VPS35L: variants seen among roughly 807,000 people sequenced by gnomAD.
The protein encoded by VPS35L is VPS35 endosomal protein sorting factor like, also known as VPS35 endosomal protein-sorting factor-like.
VPS35L carries 83 observed loss-of-function variants against 133.0 expected under a neutral mutation model. The observed-to-expected ratio is 0.62, with a 90% confidence interval of 0.52 to 0.75. VPS35L has a LOEUF of 0.75. Ranked by LOEUF, VPS35L falls within the 30% of genes least tolerant of loss-of-function variation. The pLI, the probability that VPS35L is intolerant of heterozygous loss-of-function variation, is 0.00. For synonymous variants in VPS35L, 423 were observed against 449.9 expected (o/e 0.94, Z 0.76); for missense variants, 1,083 against 1,206.8 (o/e 0.90, Z 1.52).
intron 8 of VPS35L, among the ~76,000 whole-genome samples, chr16:19,597,886 AAG>A (rs1972267024): frequency 6.6e-6 from 1 of 152,196 alleles, no homozygotes; most frequent in African/African-American, 2.4e-5. Flanking sequence ...TCTGCTCTAA[AAG>A]AAGATGCATG....
chr16:19,560,476 A>G (rs1421209785), intron 1 of VPS35L, among the ~76,000 whole-genome samples: 2 of 152,228 alleles, frequency 1.3e-5, no homozygotes, highest in East Asian at 3.9e-4. Flanking sequence ...TCAACATTCT[A>G]CTTTTCTTGA....
Position 19,608,224 on chromosome 16 carries a change from C to G in VPS35L, c.831C>G (p.Cys277Trp). ...ENANDTAKET[C>W]LNWFFKIASI... ...CAAATGACACGGCCAAGGAAACATG[C>G]CTAAATTGGTTTTTCAAGATTGCCT... is the stretch of plus-strand genomic sequence containing the variant. Residue 277 changes from cysteine (C) to tryptophan (W), a missense_variant, in exon 10 of 31, where the codon TGC (cysteine) becomes TGG (tryptophan). Cys to Trp is a radical substitution (Grantham distance 215). Transcript: ENST00000417362. 6.2e-7 allele frequency: 1 copy of G among 1,613,010 alleles called. No individual in the cohort carries two copies. Among genetic ancestry groups the G allele is most frequent in the South Asian group, 1.1e-5 (1 of 91,040 alleles).
chr16:19,649,278 T>G (rs1974052372), intron 24 of VPS35L, among the ~76,000 whole-genome samples: 1 of 152,140 alleles, frequency 6.6e-6, no homozygotes, highest in South Asian at 2.1e-4. Context: ...GGCATAAACA[T>G]CAAGCCCTGC....
intron 12 of VPS35L, among the ~76,000 whole-genome samples, chr16:19,611,265 G>T (rs1972710331): frequency 6.6e-6 from 1 of 152,210 alleles, no homozygotes; most frequent in Non-Finnish European, 1.5e-5. Flanking sequence ...CTCCCAAAGT[G>T]CTGGGATTAC....
At chr16:19,574,435 A>C (rs1315314307) in intron 4 of VPS35L, among the ~76,000 whole-genome samples, 4 of 152,192 alleles carry the variant, frequency 2.6e-5, no homozygotes, top group Non-Finnish European at 5.9e-5. Context: ...GAAATGTAGC[A>C]GCGTGTCCAT....
In VPS35L at chr16:19,637,671, T is replaced by A. The variant is rs369751465; in HGVS notation, c.1698+15T>A. On this transcript the variant is annotated intron_variant, in intron 20 of 30. Transcript: ENST00000417362. ...TTTTCTCAGTGGTAAGTAGGATTTC[T>A]TAATTATCTTTGGAAATTTGTACCT... The A allele has an allele frequency of 5.8e-5, 90 of 1,545,776 alleles. No homozygotes were observed. Among genetic ancestry groups the A allele is most frequent in the Non-Finnish European group, 7.3e-5 (83 of 1,134,288 alleles).
At chr16:19,650,283 C>T in intron 24 of VPS35L, 99 bp from the exon 25 acceptor site, 1 of 996,824 alleles carries the variant, frequency 1.0e-6, no homozygotes, top group South Asian at 1.4e-5. Context: ...AGCTTGTTCT[C>T]ATTGACCTGT....
At chr16:19,631,737 C>G (rs1344093137) in intron 18 of VPS35L, among the ~76,000 whole-genome samples, 1 of 152,182 alleles carries the variant, frequency 6.6e-6, no homozygotes, top group African/African-American at 2.4e-5. Flanking sequence ...CAGACAGGAT[C>G]TCACTCTGTT....
chr16:19,674,893 C>CT (rs1442078828), intron 27 of VPS35L, among the ~76,000 whole-genome samples: 1 of 151,378 alleles, frequency 6.6e-6, no homozygotes, highest in East Asian at 1.9e-4. Context: ...GAATTTCCTT[C>CT]TTTTTTAAGG....
chr16:19,695,075 C>CGGATTCT (rs1165574683), intron 29 of VPS35L, among the ~76,000 whole-genome samples: 3 of 151,946 alleles, frequency 2.0e-5, no homozygotes, highest in Non-Finnish European at 4.4e-5. Context: ...CAAAGTGCTG[C>CGGATTCT]GGATTCTGGG....
chr16:19,573,953 G>A (rs190613441), intron 4 of VPS35L, among the ~76,000 whole-genome samples: 316 of 152,250 alleles, frequency 2.1e-3, no homozygotes, highest in African/African-American at 7.3e-3. Flanking sequence ...TCTCTGGATG[G>A]CCATTAGGTG....
At chr16:19,631,833 C>T (rs1184500434) in intron 18 of VPS35L, among the ~76,000 whole-genome samples, 5 of 151,922 alleles carry the variant, frequency 3.3e-5, no homozygotes, top group Non-Finnish European at 4.4e-5. Flanking sequence ...CTCAGCCTCC[C>T]GAGTGGCTGG....
chr16:19,610,456 A>G (rs2151547148), intron 12 of VPS35L, 41 bp downstream of exon 12: 1 of 1,521,802 alleles, frequency 6.6e-7, no homozygotes, highest in African/African-American at 1.4e-5. Context: ...CACGGCTGCC[A>G]CCCGTCTCCT....
At chr16:19,664,726 C>G (rs1974605209) in intron 26 of VPS35L, among the ~76,000 whole-genome samples, 1 of 151,856 alleles carries the variant, frequency 6.6e-6, no homozygotes, top group African/African-American at 2.4e-5. Context: ...ATGGTGAAAC[C>G]CCATCTCTAC....
intron 9 of VPS35L, among the ~76,000 whole-genome samples, chr16:19,604,392 A>C (rs759012954): frequency 6.6e-6 from 1 of 152,216 alleles, no homozygotes; most frequent in Non-Finnish European, 1.5e-5. Context: ...AAAACAACAG[A>C]TCAGTCCTCG....
chr16:19,685,128 A>G (rs1308243398), intron 28 of VPS35L, among the ~76,000 whole-genome samples: 1 of 152,184 alleles, frequency 6.6e-6, no homozygotes, highest in African/African-American at 2.4e-5. Context: ...AGCTCAGTGA[A>G]TTGTCACAAA....
Position 19,693,173 on chromosome 16 carries a change from C to T in VPS35L, c.2646+1702C>T, listed in dbSNP as rs148724959. Reference sequence around the variant, plus strand: ...TTTGTGGAAAGAGTGGCATTGGAACCCCAGTTTCTTCTTCAGGAAAACTGG... The same window carrying T: ...TTTGTGGAAAGAGTGGCATTGGAACTCCAGTTTCTTCTTCAGGAAAACTGG... On this transcript the variant is annotated intron_variant, in intron 29 of 30. Coordinates refer to ENST00000417362, the MANE Select transcript of VPS35L (RefSeq NM_020314.7). Among the ~76,000 whole-genome samples, 1,073 of 152,050 alleles carry T rather than the reference C, an allele frequency of 7.1e-3. 6 individuals carry two copies. Among genetic ancestry groups the T allele is most frequent in the African/African-American group, 0.023 (969 of 41,466 alleles).
At chr16:19,671,517 C>T (rs531072978) in intron 27 of VPS35L, among the ~76,000 whole-genome samples, 1 of 147,386 alleles carries the variant, frequency 6.8e-6, no homozygotes, top group Non-Finnish European at 1.5e-5. Flanking sequence ...TGGCTCACTC[C>T]AGTAATCCCA....
At chr16:19,568,900 C>T (rs1472127573) in intron 2 of VPS35L, among the ~76,000 whole-genome samples, 3 of 152,110 alleles carry the variant, frequency 2.0e-5, no homozygotes, top group Admixed American at 2.0e-4. Context: ...TCTGCCTCAG[C>T]ACCACAAAGT....
Sources: gnomAD v4.1 joint callset for allele counts (sites outside exome capture counted in the v4.1 genomes callset) on GRCh38, gnomAD v4.1.1 for gene constraint, MANE v1.5 for transcripts, NCBI Gene and HGNC (gene_info 2026-07-23, HGNC 2026-07-21) for gene names.